Variants in PLAGL1 observed in about 807,000 individuals in gnomAD.
The protein encoded by PLAGL1 is zinc finger protein PLAGL1.
A neutral mutation model predicts 4.6 loss-of-function variants in PLAGL1; 1 was observed. That is an observed-to-expected ratio of 0.22 (90% CI 0.08 to 1.03). The LOEUF (loss-of-function observed/expected upper bound fraction) is 1.03, where lower values mean the gene tolerates loss of function less well. Among genes scored for constraint, PLAGL1 ranks in the 50% least tolerant of loss-of-function variants. The pLI, the probability that PLAGL1 is intolerant of heterozygous loss-of-function variation, is 0.58. For synonymous variants in PLAGL1, 240 were observed against 237.8 expected (o/e 1.01, Z -0.08); for missense variants, 464 against 570.4 (o/e 0.81, Z 1.90).
chr6:143,974,571 A>C (rs1660176506), intron 2 of PLAGL1, among the ~76,000 whole-genome samples: 1 of 152,214 alleles, frequency 6.6e-6, no homozygotes, highest in Admixed American at 6.5e-5. Context: ...TCAACTGCAC[A>C]GGAAAGGTAG....
In PLAGL1 at chr6:143,954,490, C is replaced by A. The variant is rs1209412178; in HGVS notation, c.-325+5979G>T. On this transcript the variant is annotated intron_variant, in intron 6 of 7. Transcript: ENST00000674357. The surrounding 1 kb of genome is among the most constrained non-coding windows in gnomAD (Gnocchi z 5.1). The stretch of plus-strand genomic sequence containing the variant: ...ACTTGCAAGGGGAACACTTGAGAAC[C>A]CAGAGAGCATCTGAGAGTCAACACC... Among the ~76,000 whole-genome samples the A allele has an allele frequency of 6.6e-6, 1 of 152,092 alleles. No individual in the cohort carries two copies. The highest frequency in any genetic ancestry group is 6.5e-5 in the Admixed American group (1 of 15,272).
chr6:144,001,468 G>A (rs1051820715), intron 1 of PLAGL1, among the ~76,000 whole-genome samples: 8 of 152,118 alleles, frequency 5.3e-5, no homozygotes, highest in Non-Finnish European at 7.4e-5. Context: ...AATAATAATT[G>A]CTGCAGGCAA....
rs967051639 is a variant in PLAGL1 at position 143,950,784 on chromosome 6, G to A, written c.-324-2324C>T. On this transcript the variant is annotated intron_variant, in intron 6 of 7. Transcript: ENST00000674357. This position sits in a 1 kb window ranked among gnomAD's most constrained non-coding sequence, Gnocchi z 6.3. Reference sequence around the variant, plus strand: ...CCAATTCTTGCTTTATGAGATGACTGGCATGTCCAACAGAACTTTCTGCAA... The same window carrying A: ...CCAATTCTTGCTTTATGAGATGACTAGCATGTCCAACAGAACTTTCTGCAA... Among the ~76,000 whole-genome samples the A allele has an allele frequency of 6.6e-6, 1 of 152,086 alleles. No individual in the cohort carries two copies. The highest frequency in any genetic ancestry group is 1.5e-5 in the Non-Finnish European group (1 of 68,014).
At position 143,947,806 on chromosome 6, in the gene PLAGL1, CACA is replaced by C. The variant is rs1252383678; in HGVS notation, c.152+176_152+178del. On this transcript the variant is annotated intron_variant, in intron 7 of 7. Transcript: ENST00000674357. The surrounding 1 kb of genome is among the most constrained non-coding windows in gnomAD (Gnocchi z 4.3). Reference sequence around the variant, plus strand: ...CTGTTGAAAGAATGAACTGACACTGCACAACAAGACGGTCACATAAAACCACAG... The same window carrying C: ...CTGTTGAAAGAATGAACTGACACTGCACAAGACGGTCACATAAAACCACAG... 6.6e-6 allele frequency among the ~76,000 whole-genome samples: 1 copy of C among 152,194 alleles called. No individual in the cohort carries two copies. The highest frequency in any genetic ancestry group is 2.4e-5 in the African/African-American group (1 of 41,438).
Position 144,056,672 on chromosome 6 carries a change from GT to G in PLAGL1, c.-151+7795del, listed in dbSNP as rs1363231799. Among the ~76,000 whole-genome samples, 3 of 151,278 alleles carry G rather than the reference GT, an allele frequency of 2.0e-5. No homozygotes were observed. Among genetic ancestry groups the G allele is most frequent in the Admixed American group, 6.6e-5 (1 of 15,190 alleles). On this transcript the variant is annotated intron_variant, in intron 1 of 3. Transcript: ENST00000437412. This position sits in a 1 kb window ranked among gnomAD's most constrained non-coding sequence, Gnocchi z 4.7. ...TTGATAGCTCTTTGTTTTTGTTTTT[GT>G]TTTTTTAAATTTAGACAGGTTATCG... is the stretch of plus-strand genomic sequence containing the variant.
In PLAGL1 at chr6:143,949,523, G is replaced by A. The variant is rs1160901217; in HGVS notation, c.-324-1063C>T. Among the ~76,000 whole-genome samples, 1 of 152,188 alleles carries A rather than the reference G, an allele frequency of 6.6e-6. No individual in the cohort carries two copies. The highest frequency in any genetic ancestry group is 1.9e-4 in the East Asian group (1 of 5,198). On this transcript the variant is annotated intron_variant, in intron 6 of 7. Coordinates refer to ENST00000674357, the MANE Select transcript of PLAGL1 (RefSeq NM_001317162.2). The surrounding 1 kb of genome is among the most constrained non-coding windows in gnomAD (Gnocchi z 5.3). ...CACATTTCATCCCTGGACTCTGACA[G>A]CAGGTTTCAAATCGGCCTCTACCTG... is the stretch of plus-strand genomic sequence containing the variant.
chr6:143,959,391 C>A lies in PLAGL1; in HGVS notation c.-325+1078G>T, dbSNP rs12527460. On this transcript the variant is annotated intron_variant, in intron 6 of 7. Coordinates refer to ENST00000674357, the MANE Select transcript of PLAGL1 (RefSeq NM_001317162.2). This position sits in a 1 kb window ranked among gnomAD's most constrained non-coding sequence, Gnocchi z 5.3. Reference sequence around the variant, plus strand: ...GCACTCCTAGTCTTCTAATGTCAGGCACACTGTAAACAGAAGATACAGGCA... The same window carrying A: ...GCACTCCTAGTCTTCTAATGTCAGGAACACTGTAAACAGAAGATACAGGCA... 0.19 allele frequency among the ~76,000 whole-genome samples: 29,035 copies of A among 151,916 alleles called. 3,327 individuals are homozygous for A. Among genetic ancestry groups the A allele is most frequent in the Admixed American group, 0.23 (3,568 of 15,272 alleles).
intron 1 of PLAGL1, among the ~76,000 whole-genome samples, chr6:144,029,573 G>A (rs1011469757): frequency 3.9e-5 from 6 of 152,218 alleles, no homozygotes; most frequent in African/African-American, 2.4e-5. Context: ...TAAGAGAAAT[G>A]CAAATTAAAA....
rs1796404610 is a variant in PLAGL1, at chr6:144,027,230, C to CAAAA, written c.-151+37237_-151+37238insTTTT. Among the ~76,000 whole-genome samples the CAAAA allele has an allele frequency of 6.1e-5, 6 of 99,106 alleles. No individual in the cohort carries two copies. Among genetic ancestry groups the CAAAA allele is most frequent in the Admixed American group, 1.2e-4 (1 of 8,150 alleles). 65.0% of individuals were successfully genotyped at this position (99,106 alleles called of 152,430 possible). The stretch of plus-strand genomic sequence containing the variant: ...CAGAGAAAGACCCCAACTCAAAGAA[C>CAAAA]GAACGAAAGAAAGAAAGAAAGAAAG... On this transcript the variant is annotated intron_variant, in intron 1 of 3. Coordinates refer to the PLAGL1 transcript ENST00000437412. The surrounding 1 kb of genome is among the most constrained non-coding windows in gnomAD (Gnocchi z 5.8).
At position 143,942,769 on chromosome 6, in the gene PLAGL1, G is replaced by A; in HGVS notation, c.153-106C>T. On this transcript the variant is annotated intron_variant, in intron 7 of 7. Transcript: ENST00000674357. The surrounding 1 kb of genome is among the most constrained non-coding windows in gnomAD (Gnocchi z 7.6). Reference sequence around the variant, plus strand: ...ATGTTAATAGTTTTCTCTGGGTCTTGGTATAATTTTCAAAATTCTTTCATA... The same window carrying A: ...ATGTTAATAGTTTTCTCTGGGTCTTAGTATAATTTTCAAAATTCTTTCATA... 37 of 767,192 alleles carry A rather than the reference G, an allele frequency of 4.8e-5. No homozygotes were observed. Among genetic ancestry groups the A allele is most frequent in the South Asian group, 3.0e-4 (12 of 39,414 alleles). 47.5% of individuals were successfully genotyped at this position (767,192 alleles called of 1,614,324 possible).
chr6:143,977,295 C>T (rs190070839), intron 2 of PLAGL1, among the ~76,000 whole-genome samples: 56 of 152,120 alleles, frequency 3.7e-4, no homozygotes, highest in African/African-American at 1.2e-3. Context: ...TTTTGCCGAT[C>T]TTTTTACTGT....
chr6:143,941,320 A>G lies in PLAGL1; in HGVS notation c.*104T>C, dbSNP rs1004202737. 4.7e-5 allele frequency: 39 copies of G among 828,676 alleles called. No homozygotes were observed. Among genetic ancestry groups the G allele is most frequent in the Admixed American group, 3.5e-4 (11 of 31,542 alleles). 51.3% of individuals were successfully genotyped at this position (828,676 alleles called of 1,614,324 possible). On this transcript the variant is annotated 3_prime_UTR_variant, in exon 8 of 8. Transcript: ENST00000674357. This position sits in a 1 kb window ranked among gnomAD's most constrained non-coding sequence, Gnocchi z 6.0. ...CAAGCCAGTCATCACTGAATAAGCC[A>G]TAGTCCCAGTCTCGTTTTCCAAATC...
At position 143,942,851 on chromosome 6, in the gene PLAGL1, T is replaced by C. The variant is rs1222552752; in HGVS notation, c.153-188A>G. On this transcript the variant is annotated intron_variant, in intron 7 of 7. Transcript: ENST00000674357. The surrounding 1 kb of genome is among the most constrained non-coding windows in gnomAD (Gnocchi z 7.6). ...AGAAAAGCAAGCAATACTAAAGCCA[T>C]AATACATTTTTCACACCTATAAAAC... Among the ~76,000 whole-genome samples the C allele has an allele frequency of 6.6e-6, 1 of 152,064 alleles. No homozygotes were observed. The highest frequency in any genetic ancestry group is 1.5e-5 in the Non-Finnish European group (1 of 68,002).
chr6:144,035,492 G>A (rs151140920), intron 1 of PLAGL1, among the ~76,000 whole-genome samples: 9,284 of 152,284 alleles, frequency 0.061, 325 homozygotes, highest in Middle Eastern at 0.12. Context: ...TATTCTAGCC[G>A]TGCTGGCAGC....
rs1490002135 is a variant in PLAGL1, at chr6:143,940,379, T to TA, written c.*1044dup. The TA allele has an allele frequency of 6.6e-6, 1 of 152,146 alleles. No individual in the cohort carries two copies. The highest frequency in any genetic ancestry group is 1.5e-5 in the Non-Finnish European group (1 of 68,008). 9.4% of individuals were successfully genotyped at this position (152,146 alleles called of 1,614,324 possible). ...CTAAAAACATAAGACAATGGAGCTT[T>TA]AAAAAAGGTTAGGTTTTACATCTTT... On this transcript the variant is annotated 3_prime_UTR_variant, in exon 8 of 8. Coordinates refer to ENST00000674357, the MANE Select transcript of PLAGL1 (RefSeq NM_001317162.2).
chr6:144,031,758 G>A lies in PLAGL1; in HGVS notation c.-151+32710C>T, dbSNP rs143363757. ...TGCTGTTTTGGTGACTATGGCCTTA[G>A]AGTACAGTTTGACGTTGGGTAATGT... On this transcript the variant is annotated intron_variant, in intron 1 of 3. Coordinates refer to the PLAGL1 transcript ENST00000437412. Among the ~76,000 whole-genome samples the A allele has an allele frequency of 5.1e-3, 776 of 152,212 alleles. 14 individuals are homozygous for A. Among genetic ancestry groups the A allele is most frequent in the East Asian group, 0.039 (202 of 5,180 alleles).
chr6:143,992,498 T>A (rs954012137), intron 1 of PLAGL1, among the ~76,000 whole-genome samples: 7 of 152,192 alleles, frequency 4.6e-5, no homozygotes, highest in African/African-American at 1.7e-4. Context: ...AAGTAGGATG[T>A]TTTAGCAAAA....
chr6:143,998,266 T>G (rs893384858), intron 1 of PLAGL1, among the ~76,000 whole-genome samples: 2 of 152,168 alleles, frequency 1.3e-5, no homozygotes, highest in African/African-American at 4.8e-5. Flanking sequence ...AAGCAAAGCT[T>G]TCACTGTGTA....
chr6:143,945,659 TAG>T lies in PLAGL1; in HGVS notation c.152+2324_152+2325del, dbSNP rs972426164. Among the ~76,000 whole-genome samples, 24 of 152,192 alleles carry T rather than the reference TAG, an allele frequency of 1.6e-4. No homozygotes were observed. Among genetic ancestry groups the T allele is most frequent in the Admixed American group, 2.6e-4 (4 of 15,288 alleles). On this transcript the variant is annotated intron_variant, in intron 7 of 7. Coordinates refer to ENST00000674357, the MANE Select transcript of PLAGL1 (RefSeq NM_001317162.2). This position sits in a 1 kb window ranked among gnomAD's most constrained non-coding sequence, Gnocchi z 4.2. The stretch of plus-strand genomic sequence containing the variant: ...CCCAGCTAATTTTTTGTATTTTTAG[TAG>T]AGACGGGGTTTCACCATGGTGGCCA...
Sources: gnomAD v4.1 joint callset for allele counts (sites outside exome capture counted in the v4.1 genomes callset) on GRCh38, gnomAD v4.1.1 for gene constraint, Gnocchi (gnomAD v3.1) non-coding constraint, MANE v1.5 for transcripts, NCBI Gene and HGNC (gene_info 2026-07-23, HGNC 2026-07-21) for gene names.